Variants in ZFHX3 observed in about 807,000 individuals in gnomAD.
ZFHX3 encodes zinc finger homeobox 3.
In ZFHX3, 42 loss-of-function variants were observed where a neutral mutation model predicts 279.1. The ratio of observed to expected loss-of-function variants is 0.15; its 90% CI spans 0.12 to 0.19. The LOEUF is 0.19. Ranked by LOEUF, ZFHX3 falls within the 10% of genes least tolerant of loss-of-function variation. ZFHX3 has a pLI of 1.00. For synonymous variants in ZFHX3, 2,293 were observed against 1,957.8 expected, an observed-to-expected ratio of 1.17 and a Z score of -4.52; for missense variants, 4,981 against 4,754.0, an observed-to-expected ratio of 1.05 and a Z score of -1.40.
exon 8 of ZFHX3, chr16:73,093,294 G>C: frequency 2.2e-6 from 1 of 450,232 alleles, no homozygotes; most frequent in South Asian, 1.7e-5. Flanking sequence ...CATCGTGTTT[G>C]GGTTGCAAAG....
intron 1 of ZFHX3, among the ~76,000 whole-genome samples, chr16:73,746,022 C>T (rs980489602): frequency 1.3e-5 from 2 of 152,006 alleles, no homozygotes; most frequent in African/African-American, 2.4e-5. Context: ...CCAACCTATT[C>T]GATTTCAAAT....
chr16:73,463,240 G>A (rs2018503244), intron 2 of ZFHX3, among the ~76,000 whole-genome samples: 2 of 152,316 alleles, frequency 1.3e-5, no homozygotes, highest in South Asian at 4.1e-4. Flanking sequence ...CTTTACAATT[G>A]TTATTTCATG....
At chr16:73,254,493 G>C (rs578132346) in intron 5 of ZFHX3, among the ~76,000 whole-genome samples, 2 of 151,970 alleles carry the variant, frequency 1.3e-5, no homozygotes, top group East Asian at 3.9e-4. Flanking sequence ...AAGATGTGAG[G>C]CTGATGGGAA....
intron 2 of ZFHX3, among the ~76,000 whole-genome samples, chr16:73,514,423 C>A (rs539679184): frequency 2.6e-5 from 4 of 152,224 alleles, no homozygotes; most frequent in African/African-American, 9.6e-5. Flanking sequence ...GCATTTTATA[C>A]ATATTTTCAA....
At chr16:73,781,073 G>T (rs137882797) in intron 1 of ZFHX3, among the ~76,000 whole-genome samples, 2 of 152,308 alleles carry the variant, frequency 1.3e-5, no homozygotes, top group East Asian at 1.9e-4. Context: ...GGGACCATTT[G>T]CTTGGGAAGA....
intron 2 of ZFHX3, among the ~76,000 whole-genome samples, chr16:73,516,453 T>G (rs1020837592): frequency 2.2e-4 from 33 of 152,226 alleles, no homozygotes; most frequent in Non-Finnish European, 2.4e-4. Context: ...TATGCAAATT[T>G]GATTGTTTAA....
chr16:72,877,840 T>C (rs7198843), intron 4 of ZFHX3, among the ~76,000 whole-genome samples: 90,421 of 152,070 alleles, frequency 0.59, 27,688 homozygotes, highest in African/African-American at 0.75. Context: ...CGCCTCTATT[T>C]CCTGCCCAAA....
intron 5 of ZFHX3, among the ~76,000 whole-genome samples, chr16:73,175,962 A>G (rs530306533): frequency 6.6e-6 from 1 of 152,238 alleles, no homozygotes; most frequent in South Asian, 2.1e-4. Flanking sequence ...GAATGAATGC[A>G]TAAATGAATG....
intron 4 of ZFHX3, among the ~76,000 whole-genome samples, chr16:73,296,739 C>T (rs1597269041): frequency 6.6e-6 from 1 of 152,086 alleles, no homozygotes; most frequent in East Asian, 1.9e-4. Flanking sequence ...ACAAATACTA[C>T]TAATAATGAT....
intron 1 of ZFHX3, among the ~76,000 whole-genome samples, chr16:73,859,253 A>T (rs1961819422): frequency 6.6e-6 from 1 of 152,228 alleles, no homozygotes; most frequent in Non-Finnish European, 1.5e-5. Flanking sequence ...AACCAGGCAC[A>T]ATGGTAAAAG....
intron 7 of ZFHX3, among the ~76,000 whole-genome samples, chr16:73,112,137 G>A (rs1260238540): frequency 6.6e-6 from 1 of 152,060 alleles, no homozygotes. Context: ...TCTCTCCAGA[G>A]TTTTCCATTT....
At chr16:72,866,949 T>C (rs1009324119) in intron 4 of ZFHX3, among the ~76,000 whole-genome samples, 9 of 152,232 alleles carry the variant, frequency 5.9e-5, no homozygotes, top group Admixed American at 5.2e-4. Flanking sequence ...TAAATTATCA[T>C]CTCTCTGGAA....
chr16:73,260,430 T>G (rs1431557470), intron 4 of ZFHX3, among the ~76,000 whole-genome samples: 2 of 152,156 alleles, frequency 1.3e-5, no homozygotes, highest in East Asian at 3.9e-4. Context: ...CTACTATCGA[T>G]GTTTATTTTG....
chr16:73,501,550 A>G (rs530079265), intron 2 of ZFHX3, among the ~76,000 whole-genome samples: 9 of 152,176 alleles, frequency 5.9e-5, no homozygotes, highest in Non-Finnish European at 1.0e-4. Context: ...AATCAAAGCC[A>G]TTGCTGGATT....
At chr16:73,747,844 G>A (rs1746171984) in intron 1 of ZFHX3, among the ~76,000 whole-genome samples, 1 of 152,082 alleles carries the variant, frequency 6.6e-6, no homozygotes, top group Non-Finnish European at 1.5e-5. Flanking sequence ...ATTAAATGAT[G>A]TCAATACCAC....
chr16:73,767,364 A>G (rs2053961938), intron 1 of ZFHX3, among the ~76,000 whole-genome samples: 1 of 152,166 alleles, frequency 6.6e-6, no homozygotes. Flanking sequence ...TTCTCTTTAT[A>G]AGGTAAAATT....
chr16:73,048,348 G>A (rs1007425962), upstream of ZFHX3: 4 of 151,738 alleles, frequency 2.6e-5, no homozygotes, highest in Admixed American at 2.6e-4. Context: ...CCGCCCGCAG[G>A]GACCCGGGGA....
chr16:73,039,844 T>C (rs1965046662), intron 1 of ZFHX3, among the ~76,000 whole-genome samples: 1 of 152,180 alleles, frequency 6.6e-6, no homozygotes, highest in South Asian at 2.1e-4. Flanking sequence ...AGCAAATTTT[T>C]AATACTCAGA....
At chr16:72,852,211 A>G (rs1249177910) in intron 4 of ZFHX3, among the ~76,000 whole-genome samples, 4 of 152,342 alleles carry the variant, frequency 2.6e-5, no homozygotes, top group Non-Finnish European at 1.5e-5. Context: ...TTTTAACTTA[A>G]TAAGTAAATG....
Sources: allele counts gnomAD v4.1 joint callset (sites outside exome capture counted in the v4.1 genomes callset), GRCh38; gene constraint gnomAD v4.1.1; transcripts MANE v1.5; gene names NCBI Gene and HGNC (gene_info 2026-07-23, HGNC 2026-07-21).